AGMO: variants seen among roughly 807,000 people sequenced by gnomAD.
AGMO encodes glyceryl-ether monooxygenase.
A neutral mutation model predicts 60.2 loss-of-function variants in AGMO; 75 were observed. That is an observed-to-expected ratio of 1.25 (90% CI 1.03 to 1.51). The LOEUF (loss-of-function observed/expected upper bound fraction) is 1.51. Among genes scored for constraint, AGMO ranks in the 40% most tolerant of loss-of-function variants. The probability of loss-of-function intolerance (pLI) is 0.00; values close to 1 mark genes in which losing one functional copy is unlikely to be tolerated. For missense variants in AGMO, 763 were observed against 525.5 expected, an observed-to-expected ratio of 1.45 and a Z score of -4.42; for synonymous variants, 261 against 177.1, an observed-to-expected ratio of 1.47 and a Z score of -3.76.
chr7:15,180,315 T>C, the AGMO span, among the ~76,000 whole-genome samples: 1 of 152,200 alleles, frequency 6.6e-6, no homozygotes, highest in Admixed American at 6.5e-5. Flanking sequence ...AGTCACCCTA[T>C]AGAAGCCTGA....
At chr7:15,398,729 G>C (rs908884411) in intron 5 of AGMO, among the ~76,000 whole-genome samples, 4 of 152,138 alleles carry the variant, frequency 2.6e-5, no homozygotes, top group Non-Finnish European at 5.9e-5. Context: ...TTTAGACATA[G>C]ATGGGTTTAT....
At chr7:15,139,622 T>C in the AGMO span, among the ~76,000 whole-genome samples, 15 of 120,862 alleles carry the variant, frequency 1.2e-4, no homozygotes, top group African/African-American at 2.0e-4. Flanking sequence ...ACATTATAGA[T>C]TTTTTTTTCT....
At chr7:15,455,764 T>A (rs963743916) in intron 3 of AGMO, among the ~76,000 whole-genome samples, 1 of 152,122 alleles carries the variant, frequency 6.6e-6, no homozygotes, top group Non-Finnish European at 1.5e-5. Context: ...CTGAGAAATC[T>A]CATGCCATTT....
intron 4 of AGMO, among the ~76,000 whole-genome samples, chr7:15,426,382 T>G (rs571952208): frequency 6.6e-6 from 1 of 152,046 alleles, no homozygotes; most frequent in African/African-American, 2.4e-5. Context: ...ATAACAATAA[T>G]GAAAAGCGTT....
intron 3 of AGMO, among the ~76,000 whole-genome samples, chr7:15,477,790 T>A (rs1025678239): frequency 6.6e-6 from 1 of 152,182 alleles, no homozygotes; most frequent in African/African-American, 2.4e-5. Flanking sequence ...AAAATCACTG[T>A]TATAAAATTG....
At chr7:15,451,700 C>T (rs759160253) in intron 3 of AGMO, among the ~76,000 whole-genome samples, 22 of 151,924 alleles carry the variant, frequency 1.4e-4, no homozygotes, top group Admixed American at 5.9e-4. Flanking sequence ...AAAACTTCGG[C>T]CGAATTAAAT....
downstream of AGMO, among the ~76,000 whole-genome samples, chr7:15,197,528 T>G (rs1279541926): frequency 1.3e-5 from 2 of 152,210 alleles, no homozygotes; most frequent in African/African-American, 4.8e-5. Flanking sequence ...AGATTCAGTT[T>G]AACAAAAATA....
chr7:15,265,901 G>T (rs1315436145), intron 12 of AGMO, among the ~76,000 whole-genome samples: 1 of 152,098 alleles, frequency 6.6e-6, no homozygotes, highest in African/African-American at 2.4e-5. Flanking sequence ...AACAGATGAA[G>T]AGATAAGCGA....
At chr7:15,360,293 C>T (rs1416225902) in intron 12 of AGMO, among the ~76,000 whole-genome samples, 2 of 152,224 alleles carry the variant, frequency 1.3e-5, no homozygotes, top group East Asian at 1.9e-4. Flanking sequence ...TAAGTACACT[C>T]GACCCTTGAA....
intron 12 of AGMO, among the ~76,000 whole-genome samples, chr7:15,251,512 A>C (rs985714544): frequency 1.3e-5 from 2 of 152,230 alleles, no homozygotes; most frequent in African/African-American, 4.8e-5. Flanking sequence ...GCACCACTGG[A>C]AACAAAACTG....
intron 12 of AGMO, among the ~76,000 whole-genome samples, chr7:15,219,655 T>C (rs1781855927): frequency 6.6e-6 from 1 of 152,110 alleles, no homozygotes; most frequent in Non-Finnish European, 1.5e-5. Context: ...GCACCCAGGC[T>C]GTGGTGTGGA....
intron 12 of AGMO, among the ~76,000 whole-genome samples, chr7:15,223,767 AATTT>A (rs1166876468): frequency 1.9e-4 from 29 of 151,764 alleles, no homozygotes; most frequent in South Asian, 8.3e-4. Flanking sequence ...ATCCATTTAA[AATTT>A]ATTATACACT....
the AGMO span, among the ~76,000 whole-genome samples, chr7:15,160,222 TTCCG>T: frequency 2.0e-5 from 3 of 152,148 alleles, no homozygotes; most frequent in African/African-American, 7.2e-5. Context: ...ACACCTGACC[TTCCG>T]TCACTACTAT....
intron 12 of AGMO, among the ~76,000 whole-genome samples, chr7:15,336,986 T>C (rs1583422970): frequency 6.6e-6 from 1 of 152,188 alleles, no homozygotes; most frequent in African/African-American, 2.4e-5. Flanking sequence ...AACATTCCAG[T>C]GCCCTCCCTG....
chr7:15,491,209 A>T (rs1323692278), intron 3 of AGMO, among the ~76,000 whole-genome samples: 1 of 152,194 alleles, frequency 6.6e-6, no homozygotes, highest in Admixed American at 6.5e-5. Context: ...GTCCAGTAAG[A>T]ACTCATGGTT....
chr7:15,451,962 A>G (rs1781866045), intron 3 of AGMO, among the ~76,000 whole-genome samples: 1 of 152,176 alleles, frequency 6.6e-6, no homozygotes, highest in African/African-American at 2.4e-5. Flanking sequence ...AGCTGTTGGG[A>G]TTGGCCAAGA....
intron 12 of AGMO, among the ~76,000 whole-genome samples, chr7:15,203,095 G>T (rs1038836987): frequency 6.6e-6 from 1 of 152,102 alleles, no homozygotes; most frequent in Non-Finnish European, 1.5e-5. Context: ...TGGTTACAAG[G>T]ATGATCTCCC....
intron 12 of AGMO, among the ~76,000 whole-genome samples, chr7:15,263,845 C>T (rs565923333): frequency 7.9e-5 from 12 of 152,092 alleles, no homozygotes; most frequent in East Asian, 1.9e-4. Flanking sequence ...TTCTCACTTA[C>T]GTGTGGGAGC....
Position 15,544,839 on chromosome 7 carries a change from T to A in AGMO, c.342A>T (p.Pro114=). 1 of 1,610,824 alleles carries A rather than the reference T, an allele frequency of 6.2e-7. No individual in the cohort carries two copies. The highest frequency in any genetic ancestry group is 2.2e-5 in the East Asian group (1 of 44,628). The change falls in exon 3 of 13, where the codon CCA becomes CCT. Residue 114 remains proline, a synonymous_variant. Coordinates refer to ENST00000342526, the MANE Select transcript of AGMO (RefSeq NM_001004320.2). ...YRLFNLPWDS[P]WTWYSAFLGV... ...CTAAGAAGGCTGAATACCAAGTCCATGGAGAATCCCAAGGCAAATTGAACA... is the reference window on the plus strand; with the variant it reads ...CTAAGAAGGCTGAATACCAAGTCCAAGGAGAATCCCAAGGCAAATTGAACA...
Sources: gnomAD v4.1 joint callset for allele counts (sites outside exome capture counted in the v4.1 genomes callset) on GRCh38, gnomAD v4.1.1 for gene constraint, MANE v1.5 for transcripts, NCBI Gene and HGNC (gene_info 2026-07-23, HGNC 2026-07-21) for gene names.